The following HSPA4L variants were observed in gnomAD, a reference collection of about 807,000 sequenced individuals.
HSPA4L encodes heat shock protein family A (Hsp70) member 4 like, also known as heat shock 70 kDa protein 4L.
HSPA4L carries 48 observed loss-of-function variants against 100.3 expected under a neutral mutation model. The observed-to-expected ratio is 0.48, with a 90% CI of 0.38 to 0.61. HSPA4L has a LOEUF of 0.61. Among genes scored for constraint, HSPA4L ranks in the 20% least tolerant of loss-of-function variants. The probability of loss-of-function intolerance (pLI) is 0.00; values close to 1 mark genes in which losing one functional copy is unlikely to be tolerated. For missense variants in HSPA4L, 886 were observed against 988.6 expected, an observed-to-expected ratio of 0.90 and a Z score of 1.39; for synonymous variants, 319 against 328.2, an observed-to-expected ratio of 0.97 and a Z score of 0.30.
intron 10 of HSPA4L, among the ~76,000 whole-genome samples, chr4:127,806,308 G>C (rs1389595875): frequency 6.6e-6 from 1 of 151,850 alleles, no homozygotes; most frequent in Non-Finnish European, 1.5e-5. Flanking sequence ...ACAGTATTAA[G>C]TCATATTTTT....
At chr4:127,811,350 A>G in intron 11 of HSPA4L, 87 bp from the exon 12 acceptor site, 1 of 961,138 alleles carries the variant, frequency 1.0e-6, no homozygotes, top group Non-Finnish European at 1.6e-6. Flanking sequence ...ATTTGCCAAC[A>G]TCTTAAAGAT....
intron 4 of HSPA4L, among the ~76,000 whole-genome samples, chr4:127,799,383 T>G (rs1733111561): frequency 6.6e-6 from 1 of 152,142 alleles, no homozygotes; most frequent in Non-Finnish European, 1.5e-5. Flanking sequence ...ATAATAGAGT[T>G]TACCATTGAC....
At chr4:127,801,947 A>C in intron 6 of HSPA4L, 29 bp downstream of exon 6, 2 of 1,556,422 alleles carry the variant, frequency 1.3e-6, no homozygotes, top group Non-Finnish European at 1.7e-6. Flanking sequence ...TGTTATATTT[A>C]CATATGTTAA....
At chr4:127,829,629 T>A (rs1734030392) in intron 17 of HSPA4L, among the ~76,000 whole-genome samples, 1 of 152,110 alleles carries the variant, frequency 6.6e-6, no homozygotes, top group Admixed American at 6.6e-5. Context: ...GAATGAAGTT[T>A]CCATTTGCTG....
chr4:127,795,938 A>G (rs1483409017), intron 3 of HSPA4L, 30 bp downstream of exon 3: 6 of 1,602,272 alleles, frequency 3.7e-6, no homozygotes, highest in Non-Finnish European at 5.1e-6. Flanking sequence ...GGTTACAAAC[A>G]TATCTTCAAA....
At position 127,837,791 on chromosome 4, in the gene HSPA4L, G is replaced by A. The variant is rs533764219; in HGVS notation, c.*4917G>A. 6.6e-5 allele frequency: 10 copies of A among 151,592 alleles called. No homozygotes were observed. The highest frequency in any genetic ancestry group is 2.4e-4 in the African/African-American group (10 of 41,288). 9.4% of individuals were successfully genotyped at this position (151,592 alleles called of 1,614,324 possible). A position where few individuals can be genotyped will look rare whatever the true frequency, so the allele number is the denominator to read the frequency against. ...ATCACCTCTCTAATTTAAAATGCAT[G>A]AAAATTAATACTTTGTTTTTGTTTT... On this transcript the variant is annotated 3_prime_UTR_variant, in exon 19 of 19. Coordinates refer to ENST00000296464, the MANE Select transcript of HSPA4L (RefSeq NM_014278.4).
At chr4:127,806,453 T>C (rs1298926061) in intron 10 of HSPA4L, among the ~76,000 whole-genome samples, 3 of 152,042 alleles carry the variant, frequency 2.0e-5, no homozygotes, top group African/African-American at 4.8e-5. Context: ...TTGAGTAATA[T>C]TTGCAAATTA....
intron 14 of HSPA4L, among the ~76,000 whole-genome samples, chr4:127,822,077 A>G (rs1006196652): frequency 1.3e-5 from 2 of 152,178 alleles, no homozygotes; most frequent in Admixed American, 6.5e-5. Flanking sequence ...TGTATAATTC[A>G]ATGGCTTTAA....
chr4:127,839,291 A>G lies in HSPA4L; in HGVS notation c.*6417A>G, dbSNP rs1250045204. ...TGAATCTACCCAGAATGTAGATGTC[A>G]AAATGTAATTAGAGGCCCCGTGCAG... is the stretch of plus-strand genomic sequence containing the variant. On this transcript the variant is annotated 3_prime_UTR_variant, in exon 19 of 19. Coordinates refer to ENST00000296464, the MANE Select transcript of HSPA4L (RefSeq NM_014278.4). 1 of 152,144 alleles carries G rather than the reference A, an allele frequency of 6.6e-6. No individual in the cohort carries two copies. Among genetic ancestry groups the G allele is most frequent in the Non-Finnish European group, 1.5e-5 (1 of 68,008 alleles). 9.4% of individuals were successfully genotyped at this position (152,144 alleles called of 1,614,324 possible).
At chr4:127,801,736 C>G (rs753971486) in intron 5 of HSPA4L, 49 bp from the exon 6 acceptor site, 1 of 1,477,444 alleles carries the variant, frequency 6.8e-7, no homozygotes, top group Admixed American at 2.1e-5. Context: ...TTCTTGTTTT[C>G]CAAGTAATTA....
At chr4:127,785,252 G>C (rs1238929437) in intron 1 of HSPA4L, among the ~76,000 whole-genome samples, 1 of 152,086 alleles carries the variant, frequency 6.6e-6, no homozygotes, top group Admixed American at 6.6e-5. Context: ...TGCATAAATT[G>C]AAGAGACAAA....
intron 12 of HSPA4L, among the ~76,000 whole-genome samples, chr4:127,816,095 G>A (rs768683948): frequency 6.6e-6 from 1 of 152,002 alleles, no homozygotes; most frequent in Non-Finnish European, 1.5e-5. Flanking sequence ...CGACAAATCG[G>A]GTAAAACCTT....
intron 16 of HSPA4L, among the ~76,000 whole-genome samples, chr4:127,826,219 G>T (rs957955254): frequency 1.3e-5 from 2 of 152,042 alleles, no homozygotes; most frequent in African/African-American, 4.8e-5. Context: ...CCAGCCTTGA[G>T]CAACAAAGCA....
intron 4 of HSPA4L, 146 bp from the exon 5 acceptor site, chr4:127,800,992 A>G (rs1578698623): frequency 3.6e-6 from 2 of 553,340 alleles, no homozygotes; most frequent in East Asian, 3.3e-5. Flanking sequence ...GTCAAACTTA[A>G]AAAATAAAAC....
At chr4:127,816,040 G>C (rs1733662910) in intron 12 of HSPA4L, among the ~76,000 whole-genome samples, 1 of 152,100 alleles carries the variant, frequency 6.6e-6, no homozygotes, top group African/African-American at 2.4e-5. Context: ...TGTGGAGAAT[G>C]GGGGAATAGC....
In HSPA4L at chr4:127,804,088, G is replaced by T. The variant is rs756019016; in HGVS notation, c.985+1G>T. On this transcript the variant is annotated splice_donor_variant, in intron 8 of 18. Transcript: ENST00000296464. LOFTEE classifies it high-confidence loss of function. ...TTAAAAGCAGTAATGGAACAAGCTA[G>T]TAAGTGGAAATTACTGGACTATCAA... The T allele has an allele frequency of 6.2e-7, 1 of 1,612,532 alleles. No homozygotes were observed. Among genetic ancestry groups the T allele is most frequent in the African/African-American group, 1.3e-5 (1 of 74,894 alleles).
intron 1 of HSPA4L, chr4:127,783,475 T>A: frequency 7.0e-7 from 1 of 1,433,180 alleles, no homozygotes; most frequent in Non-Finnish European, 9.1e-7. Context: ...GAACGCTTAA[T>A]GAAAGGCTTA....
intron 14 of HSPA4L, among the ~76,000 whole-genome samples, chr4:127,821,199 A>G (rs538632241): frequency 4.7e-4 from 72 of 152,210 alleles, no homozygotes; most frequent in Non-Finnish European, 8.5e-4. Flanking sequence ...TATATCATCT[A>G]TTCATTAATA....
intron 10 of HSPA4L, among the ~76,000 whole-genome samples, chr4:127,807,681 T>C (rs975410765): frequency 2.0e-5 from 3 of 152,082 alleles, no homozygotes; most frequent in Non-Finnish European, 2.9e-5. Context: ...TAGAAGTTAA[T>C]GGGTAGGACT....
Sources: allele counts gnomAD v4.1 joint callset (sites outside exome capture counted in the v4.1 genomes callset), GRCh38; gene constraint gnomAD v4.1.1; transcripts MANE v1.5; gene names NCBI Gene and HGNC (gene_info 2026-07-23, HGNC 2026-07-21).